The following ZC3H15 variants were observed in gnomAD, a reference collection of about 807,000 sequenced individuals.
ZC3H15 encodes the protein zinc finger CCCH-type containing 15.
Under a neutral mutation model 51.2 loss-of-function variants are expected in ZC3H15, and 15 were observed. The observed-to-expected ratio is 0.29, with a 90% CI of 0.20 to 0.45. The LOEUF (loss-of-function observed/expected upper bound fraction) is 0.45, where lower values mean the gene tolerates loss of function less well. ZC3H15 is among the 20% of genes least tolerant of loss of function. The probability of loss-of-function intolerance (pLI) is 1.00; values close to 1 mark genes in which losing one functional copy is unlikely to be tolerated. For missense variants in ZC3H15, 381 were observed against 494.7 expected, an observed-to-expected ratio of 0.77 and a Z score of 2.18; for synonymous variants, 144 against 162.8, an observed-to-expected ratio of 0.88 and a Z score of 0.88.
chr2:186,506,654 A>G, intron 8 of ZC3H15, 59 bp from the exon 9 acceptor site: 1 of 1,544,128 alleles, frequency 6.5e-7, no homozygotes, highest in Non-Finnish European at 8.7e-7. Context: ...GATAAATGTC[A>G]GGAGTAAAAG....
chr2:186,499,673 C>CTAATCATATTAG, intron 2 of ZC3H15: 2 of 436,804 alleles, frequency 4.6e-6, no homozygotes, highest in Non-Finnish European at 9.1e-6. Context: ...GTATGTAAAT[C>CTAATCATATTAG]GTGTGCCTGG....
intron 8 of ZC3H15, 95 bp downstream of exon 8, chr2:186,505,936 A>C (rs747211210): frequency 7.6e-7 from 1 of 1,321,238 alleles, no homozygotes; most frequent in South Asian, 1.3e-5. Context: ...CATCAGAGCC[A>C]CAGTGCCTGG....
intron 4 of ZC3H15, 54 bp from the exon 5 acceptor site, chr2:186,502,442 G>A (rs973179432): frequency 5.6e-6 from 8 of 1,417,274 alleles, no homozygotes; most frequent in Non-Finnish European, 7.8e-6. Context: ...GGAGATATGT[G>A]TTGTGGGAGT....
chr2:186,486,497 C>T (rs967126108), intron 1 of ZC3H15, 40 bp downstream of exon 1: 5 of 1,512,862 alleles, frequency 3.3e-6, no homozygotes, highest in East Asian at 2.5e-5. Flanking sequence ...CGCGAGCCCT[C>T]CGGAAAGCCA....
At chr2:186,493,632 T>C (rs1685233843) in intron 1 of ZC3H15, among the ~76,000 whole-genome samples, 3 of 152,042 alleles carry the variant, frequency 2.0e-5, no homozygotes, top group Admixed American at 1.3e-4. Flanking sequence ...AACAGAAATT[T>C]ATTCTCTCAG....
chr2:186,506,758 A>C lies in ZC3H15; in HGVS notation c.1012A>C (p.Ile338Leu), dbSNP rs181387795. The change falls in exon 9 of 10, where the codon ATC becomes CTC. Residue 338 changes from isoleucine (I) to leucine (L), a missense_variant. Ile to Leu is a conservative substitution (Grantham distance 5, BLOSUM62 2). Coordinates refer to ENST00000337859, the MANE Select transcript of ZC3H15 (RefSeq NM_018471.3). ...AAATGACATAGATTTAAGCCTGTAC[A>C]TCCCAAGAGATGTAGATGAAACAGG... is the stretch of plus-strand genomic sequence containing the variant. ...SVNDIDLSLY[I>L]PRDVDETGIT... The C allele has an allele frequency of 2.5e-6, 4 of 1,613,818 alleles. No homozygotes were observed. In the Admixed American group the frequency reaches 6.7e-5, roughly 27 times the overall value.
At chr2:186,505,645 A>G (rs370257297) in intron 7 of ZC3H15, 48 bp downstream of exon 7, 11 of 1,599,618 alleles carry the variant, frequency 6.9e-6, no homozygotes, top group East Asian at 2.2e-5. Flanking sequence ...TCCATTTTCA[A>G]TTTCTGTGTC....
chr2:186,505,831 G>A lies in ZC3H15; in HGVS notation c.956G>A (p.Gly319Asp), dbSNP rs761647849. ...GATACCCGCTACACCCAGGGAACAG[G>A]TGGTGATGAGGTAAGAGGAAGCTTT... ...ADDTRYTQGT[G>D]GDEVDDSVSV... Residue 319 changes from glycine to aspartate, a missense_variant, in exon 8 of 10, where the codon GGT becomes GAT. Physicochemically the swap from Gly to Asp is moderately conservative, Grantham distance 94. Coordinates refer to ENST00000337859, the MANE Select transcript of ZC3H15 (RefSeq NM_018471.3). The A allele has an allele frequency of 1.9e-6, 3 of 1,613,838 alleles. No homozygotes were observed. Among genetic ancestry groups the A allele is most frequent in the African/African-American group, 2.7e-5 (2 of 75,012 alleles).
At chr2:186,504,547 A>T (rs1234832475) in intron 6 of ZC3H15, among the ~76,000 whole-genome samples, 1 of 152,168 alleles carries the variant, frequency 6.6e-6, no homozygotes, top group African/African-American at 2.4e-5. Flanking sequence ...TTTCGCCCTG[A>T]TATCTTTTTT....
intron 1 of ZC3H15, among the ~76,000 whole-genome samples, chr2:186,494,966 T>TA (rs1403919046): frequency 3.3e-5 from 5 of 151,700 alleles, no homozygotes; most frequent in Non-Finnish European, 7.4e-5. Flanking sequence ...TAAAGTATAA[T>TA]AAAAAATATA....
At position 186,506,855 on chromosome 2, in the gene ZC3H15, G is replaced by A; in HGVS notation, c.1090+19G>A. On this transcript the variant is annotated intron_variant, in intron 9 of 9. Coordinates refer to ENST00000337859, the MANE Select transcript of ZC3H15 (RefSeq NM_018471.3). ...AAAGATGGTAAGTATGCTAACTTTT[G>A]CCTAATTTTAAGAACTAGGAAGTTA... is the stretch of plus-strand genomic sequence containing the variant. The A allele has an allele frequency of 6.2e-7, 1 of 1,603,492 alleles. No homozygotes were observed. Among genetic ancestry groups the A allele is most frequent in the Non-Finnish European group, 8.5e-7 (1 of 1,175,972 alleles).
intron 2 of ZC3H15, among the ~76,000 whole-genome samples, chr2:186,498,372 C>T (rs1016854001): frequency 2.0e-5 from 3 of 152,084 alleles, no homozygotes; most frequent in Admixed American, 6.6e-5. Context: ...GTATATTTGT[C>T]GAGTAGGGTT....
At chr2:186,493,013 A>G (rs566465464) in intron 1 of ZC3H15, among the ~76,000 whole-genome samples, 4 of 152,208 alleles carry the variant, frequency 2.6e-5, no homozygotes, top group East Asian at 3.9e-4. Context: ...GAAGATTGGC[A>G]GTAGATGGAT....
chr2:186,505,992 C>A, intron 8 of ZC3H15, 151 bp downstream of exon 8: 1 of 758,856 alleles, frequency 1.3e-6, no homozygotes, highest in Non-Finnish European at 2.3e-6. Flanking sequence ...TAGGCCTCCA[C>A]CCTCATCTAA....
At position 186,490,191 on chromosome 2, in the gene ZC3H15, G is replaced by A. The variant is rs564389689; in HGVS notation, c.75+3734G>A. On this transcript the variant is annotated intron_variant, in intron 1 of 9. Coordinates refer to ENST00000337859, the MANE Select transcript of ZC3H15 (RefSeq NM_018471.3). ...TTTCCGAAATGAATATGTCAAACAGGATTATGGTTCTGTTAGAAATTAACA... is the reference window on the plus strand; with the variant it reads ...TTTCCGAAATGAATATGTCAAACAGAATTATGGTTCTGTTAGAAATTAACA... Among the ~76,000 whole-genome samples the A allele has an allele frequency of 6.6e-5, 10 of 152,174 alleles. No homozygotes were observed. In the South Asian group the frequency reaches 2.1e-3, roughly 32 times the overall value.
At chr2:186,506,936 G>A (rs1351406125) in intron 9 of ZC3H15, 100 bp downstream of exon 9, 1 of 1,289,446 alleles carries the variant, frequency 7.8e-7, no homozygotes, top group South Asian at 1.6e-5. Flanking sequence ...GTACCAGATT[G>A]GTAACATAAA....
chr2:186,499,226 C>T (rs1685337248), intron 2 of ZC3H15, among the ~76,000 whole-genome samples: 1 of 152,118 alleles, frequency 6.6e-6, no homozygotes, highest in Non-Finnish European at 1.5e-5. Context: ...TTCTTGGATT[C>T]CCAATCCATC....
chr2:186,491,701 A>G (rs1685201718), intron 1 of ZC3H15, among the ~76,000 whole-genome samples: 2 of 152,200 alleles, frequency 1.3e-5, no homozygotes, highest in African/African-American at 4.8e-5. Flanking sequence ...CCAGCCCCTT[A>G]TTAATGACTT....
Position 186,500,199 on chromosome 2 carries a change from T to C in ZC3H15, c.195T>C (p.Ala65=). 1 of 1,613,268 alleles carries C rather than the reference T, an allele frequency of 6.2e-7. No homozygotes were observed. The highest frequency in any genetic ancestry group is 8.5e-7 in the Non-Finnish European group (1 of 1,179,768). ...QNPRQVAQSE[A]EKKLKKDDKK... ...TATTATAGGTAGCACAGAGTGAAGC[T>C]GAAAAGAAATTGAAGAAGGATGACA... Residue 65 remains alanine (A), a synonymous_variant, in exon 3 of 10, where the codon GCT becomes GCC. Transcript: ENST00000337859.
Sources: gnomAD v4.1 joint callset for allele counts (sites outside exome capture counted in the v4.1 genomes callset) on GRCh38, gnomAD v4.1.1 for gene constraint, MANE v1.5 for transcripts, NCBI Gene and HGNC (gene_info 2026-07-23, HGNC 2026-07-21) for gene names.